The following KCNJ9 variants were observed in gnomAD, a reference collection of about 807,000 sequenced individuals.
KCNJ9 encodes potassium inwardly rectifying channel subfamily J member 9, also known as G protein-activated inward rectifier potassium channel 3.
Under a neutral mutation model 27.9 loss-of-function variants are expected in KCNJ9, and 18 were observed. That is an observed-to-expected ratio of 0.65 (90% CI 0.45 to 0.96). The LOEUF (loss-of-function observed/expected upper bound fraction) is 0.96. Among genes scored for constraint, KCNJ9 ranks in the 40% least tolerant of loss-of-function variants. KCNJ9 has a pLI of 0.00. For missense variants in KCNJ9, 324 were observed against 557.5 expected, an observed-to-expected ratio of 0.58 and a Z score of 4.22; for synonymous variants, 229 against 248.2, an observed-to-expected ratio of 0.92 and a Z score of 0.73.
chr1:160,083,985 C>T lies in KCNJ9; in HGVS notation c.-46C>T, dbSNP rs1649729206. 1.6e-6 allele frequency: 2 copies of T among 1,228,266 alleles called. No homozygotes were observed. Among genetic ancestry groups the T allele is most frequent in the Non-Finnish European group, 1.0e-6 (1 of 988,612 alleles). The allele number at this position is 1,228,266 out of a possible 1,614,324, so 76.1% of individuals were successfully genotyped here. A position where few individuals can be genotyped will look rare whatever the true frequency, so the allele number is the denominator to read the frequency against. ...CGGCAGGTGGCAGCAGCTCGGGCCC[C>T]CGCCGCACTCCAGGCGCCCGCAGCG... On this transcript the variant is annotated 5_prime_UTR_variant, in exon 2 of 3. Coordinates refer to ENST00000368088, the MANE Select transcript of KCNJ9 (RefSeq NM_004983.3).
intron 2 of KCNJ9, 75 bp from the exon 3 acceptor site, chr1:160,087,411 G>C (rs1190170462): frequency 6.6e-7 from 1 of 1,510,852 alleles, no homozygotes; most frequent in Non-Finnish European, 8.9e-7. Context: ...GGTGCTGGGA[G>C]TAGGGTTGTG....
intron 2 of KCNJ9, among the ~76,000 whole-genome samples, chr1:160,085,204 G>A (rs1383043299): frequency 7.9e-5 from 12 of 152,206 alleles, no homozygotes; most frequent in Admixed American, 6.5e-4. Flanking sequence ...CAGTTCCAAA[G>A]CACTTTCTAC....
At chr1:160,082,290 G>A (rs1649691666) in intron 1 of KCNJ9, among the ~76,000 whole-genome samples, 1 of 152,210 alleles carries the variant, frequency 6.6e-6, no homozygotes, top group Admixed American at 6.5e-5. Context: ...CTCTGAGCCA[G>A]TCAATGCTTA....
At chr1:160,084,947 C>T (rs992623612) in intron 2 of KCNJ9, 67 bp downstream of exon 2, 15 of 1,448,362 alleles carry the variant, frequency 1.0e-5, no homozygotes, top group East Asian at 2.5e-5. Flanking sequence ...AAGGCAGGGG[C>T]GAGACTAGGG....
intron 2 of KCNJ9, 24 bp from the exon 3 acceptor site, chr1:160,087,462 C>T: frequency 6.4e-7 from 1 of 1,571,968 alleles, no homozygotes; most frequent in South Asian, 1.2e-5. Flanking sequence ...TGAGATTCCC[C>T]CTGACCGGTG....
chr1:160,088,526 G>A lies in KCNJ9; in HGVS notation c.*709G>A. 6.5e-6 allele frequency: 1 copy of A among 152,850 alleles called. No homozygotes were observed. The highest frequency in any genetic ancestry group is 2.1e-4 in the South Asian group (1 of 4,836). The allele number at this position is 152,850 out of a possible 1,614,324, so 9.5% of individuals were successfully genotyped here. On this transcript the variant is annotated 3_prime_UTR_variant, in exon 3 of 3. Transcript: ENST00000368088. ...CAAGTTCAGGGAAGCAGGCAGAGCG[G>A]GGAGGTGCCTGAGCTGGGGCCTGGA...
Position 160,082,347 on chromosome 1 carries a change from T to C in KCNJ9, c.-115+650T>C, listed in dbSNP as rs140376487. Reference sequence around the variant, plus strand: ...CTTCAGGGAAGGAAAAGGAAGCCCATTGTTGGGGGCAGGGGAAACCCTAAT... The same window carrying C: ...CTTCAGGGAAGGAAAAGGAAGCCCACTGTTGGGGGCAGGGGAAACCCTAAT... On this transcript the variant is annotated intron_variant, in intron 1 of 2. Coordinates refer to ENST00000368088, the MANE Select transcript of KCNJ9 (RefSeq NM_004983.3). Among the ~76,000 whole-genome samples, 365 of 152,190 alleles carry C rather than the reference T, an allele frequency of 2.4e-3. 2 individuals are homozygous for C. Among genetic ancestry groups the C allele is most frequent in the African/African-American group, 8.5e-3 (351 of 41,528 alleles).
In KCNJ9 at chr1:160,089,124, G is replaced by A. The variant is rs1649841381; in HGVS notation, c.*1307G>A. 1 of 152,222 alleles carries A rather than the reference G, an allele frequency of 6.6e-6. No homozygotes were observed. The highest frequency in any genetic ancestry group is 1.5e-5 in the Non-Finnish European group (1 of 68,062). The allele number at this position is 152,222 out of a possible 1,614,324, so 9.4% of individuals were successfully genotyped here. A position where few individuals can be genotyped will look rare whatever the true frequency, so the allele number is the denominator to read the frequency against. ...GGTCATGCTGCTGTTGCTGGACTGA[G>A]GACCACACTTTGAGAACCTGTGCTC... On this transcript the variant is annotated 3_prime_UTR_variant, in exon 3 of 3. Transcript: ENST00000368088.
At position 160,084,708 on chromosome 1, in the gene KCNJ9, C is replaced by G; in HGVS notation, c.678C>G (p.Thr226=). 6.3e-7 allele frequency: 1 copy of G among 1,590,494 alleles called. No individual in the cohort carries two copies. Among genetic ancestry groups the G allele is most frequent in the Non-Finnish European group, 8.6e-7 (1 of 1,168,066 alleles). Reference sequence around the variant, plus strand: ...GCGAGTTCATCCCGCTGCACCAGACCGACCTCAGCGTGGGCTTCGACACGG... The same window carrying G: ...GCGAGTTCATCCCGCTGCACCAGACGGACCTCAGCGTGGGCTTCGACACGG... The part of the protein sequence containing the change: ...LEGEFIPLHQ[T]DLSVGFDTGD... Residue 226 remains threonine, a synonymous_variant, in exon 2 of 3, where the codon ACC becomes ACG. Coordinates refer to ENST00000368088, the MANE Select transcript of KCNJ9 (RefSeq NM_004983.3).
intron 1 of KCNJ9, among the ~76,000 whole-genome samples, chr1:160,082,070 T>C (rs966219294): frequency 2.6e-5 from 4 of 152,160 alleles, no homozygotes; most frequent in African/African-American, 9.7e-5. Flanking sequence ...CAAAATAAGG[T>C]TTACCTAGAT....
chr1:160,081,965 C>T (rs750929800), intron 1 of KCNJ9, among the ~76,000 whole-genome samples: 1 of 152,182 alleles, frequency 6.6e-6, no homozygotes, highest in Non-Finnish European at 1.5e-5. Context: ...GAAATCAAGT[C>T]CTTGATCTTG....
Position 160,084,616 on chromosome 1 carries a change from C to A in KCNJ9, c.586C>A (p.Arg196Ser). The stretch of plus-strand genomic sequence containing the variant: ...CCTCATGTTCCGCGTGGGCGACTTG[C>A]GCTCCTCACACATAGTGGAGGCCTC... The part of the protein sequence containing the change: ...LCLMFRVGDL[R>S]SSHIVEASIR... The change falls in exon 2 of 3, where the codon CGC (arginine) becomes AGC (serine). Residue 196 changes from arginine to serine, a missense_variant. By Grantham distance (110) the Arg-to-Ser change is moderately radical (BLOSUM62 -1). This residue lies in a region of KCNJ9 where 241 missense variants were observed against 481.7 expected (regional missense o/e 0.50). Coordinates refer to ENST00000368088, the MANE Select transcript of KCNJ9 (RefSeq NM_004983.3). 6.2e-7 allele frequency: 1 copy of A among 1,607,468 alleles called. No homozygotes were observed. The highest frequency in any genetic ancestry group is 8.5e-7 in the Non-Finnish European group (1 of 1,177,226).
intron 1 of KCNJ9, 52 bp from the exon 2 acceptor site, chr1:160,083,865 C>A: frequency 2.0e-6 from 1 of 491,770 alleles, no homozygotes. Flanking sequence ...CCCTGATGCC[C>A]CGTGCCTCCC....
At chr1:160,082,331 A>T (rs1029573682) in intron 1 of KCNJ9, among the ~76,000 whole-genome samples, 1 of 152,232 alleles carries the variant, frequency 6.6e-6, no homozygotes, top group African/African-American at 2.4e-5. Context: ...GCTTCAGGGA[A>T]GGAAAAGGAA....
intron 2 of KCNJ9, 60 bp from the exon 3 acceptor site, chr1:160,087,426 G>C: frequency 6.5e-7 from 1 of 1,535,598 alleles, no homozygotes; most frequent in Non-Finnish European, 8.8e-7. Context: ...GTTGTGGAAT[G>C]AGAAGAGGAG....
At chr1:160,085,163 T>C (rs1011367807) in intron 2 of KCNJ9, among the ~76,000 whole-genome samples, 1 of 152,250 alleles carries the variant, frequency 6.6e-6, no homozygotes, top group African/African-American at 2.4e-5. Context: ...TAATAGCTAG[T>C]GCTCGCCCAG....
chr1:160,085,341 G>A (rs558178978), intron 2 of KCNJ9, among the ~76,000 whole-genome samples: 2 of 152,354 alleles, frequency 1.3e-5, no homozygotes, highest in African/African-American at 4.8e-5. Context: ...AAGCCAATAA[G>A]TGGCCATGCC....
At chr1:160,081,793 G>C (rs1194414591) in intron 1 of KCNJ9, 96 bp downstream of exon 1, 3 of 152,152 alleles carry the variant, frequency 2.0e-5, no homozygotes, top group African/African-American at 7.2e-5. Context: ...TTTTCACCAG[G>C]TCTCTCCTTC....
chr1:160,088,080 A>C lies in KCNJ9; in HGVS notation c.*263A>C. 4 of 387,390 alleles carry C rather than the reference A, an allele frequency of 1.0e-5. No homozygotes were observed. Among genetic ancestry groups the C allele is most frequent in the African/African-American group, 4.1e-5 (2 of 48,652 alleles). 24.0% of individuals were successfully genotyped at this position (387,390 alleles called of 1,614,324 possible). A position where few individuals can be genotyped will look rare whatever the true frequency, so the allele number is the denominator to read the frequency against. On this transcript the variant is annotated 3_prime_UTR_variant, in exon 3 of 3. Coordinates refer to ENST00000368088, the MANE Select transcript of KCNJ9 (RefSeq NM_004983.3). ...GACCTTCACATTTGTTCATGAGTGG[A>C]TGGATGGACAGAATGATGGACTTTT...
Sources: allele counts gnomAD v4.1 joint callset (sites outside exome capture counted in the v4.1 genomes callset), GRCh38; gene constraint gnomAD v4.1.1; regional missense constraint gnomAD v4.1.1; transcripts MANE v1.5; gene names NCBI Gene and HGNC (gene_info 2026-07-23, HGNC 2026-07-21).